KLF7: variants seen among roughly 807,000 people sequenced by gnomAD.
The protein encoded by KLF7 is Krueppel-like factor 7.
In KLF7, 2 loss-of-function variants were observed where a neutral mutation model predicts 27.3. The ratio of observed to expected loss-of-function variants is 0.07; its 90% CI spans 0.03 to 0.23. The LOEUF is 0.23. Ranked by LOEUF, KLF7 falls within the 10% of genes least tolerant of loss-of-function variation. KLF7 has a pLI of 1.00. For synonymous variants in KLF7, 165 were observed against 162.4 expected, an observed-to-expected ratio of 1.02 and a Z score of -0.12; for missense variants, 221 against 394.1, an observed-to-expected ratio of 0.56 and a Z score of 3.72.
chr2:207,082,204 C>T (rs2076288485), intron 3 of KLF7, among the ~76,000 whole-genome samples: 2 of 152,244 alleles, frequency 1.3e-5, no homozygotes, highest in Middle Eastern at 3.4e-3. Flanking sequence ...GAAGTTGTGG[C>T]CACAGTACTC....
rs780685325 is a variant in KLF7, at chr2:207,123,946, G to C, written c.561C>G (p.Ala187=). ...TCTTAACGGCCCCCGCAGCCGTCAC[G>C]GCTGCTGCAGCTGTTGCGACCCCTC... ...KVGGVATAAA[A]VTAAGAVKSG... The change falls in exon 2 of 4, where the codon GCC becomes GCG. Residue 187 remains alanine, a synonymous_variant. Coordinates refer to ENST00000309446, the MANE Select transcript of KLF7 (RefSeq NM_003709.4). 1.2e-6 allele frequency: 2 copies of C among 1,614,160 alleles called. No individual in the cohort carries two copies. Among genetic ancestry groups the C allele is most frequent in the East Asian group, 2.2e-5 (1 of 44,864 alleles).
At chr2:207,102,615 T>C (rs1407605558) in intron 2 of KLF7, among the ~76,000 whole-genome samples, 1 of 152,212 alleles carries the variant, frequency 6.6e-6, no homozygotes, top group Admixed American at 6.5e-5. Flanking sequence ...CAAACTACAA[T>C]GTACTAGGAT....
At chr2:207,145,184 G>GT (rs1394614375) in intron 1 of KLF7, among the ~76,000 whole-genome samples, 1 of 152,156 alleles carries the variant, frequency 6.6e-6, no homozygotes, top group South Asian at 2.1e-4. Flanking sequence ...GTGCAGTAAC[G>GT]TATCATTAAG....
intron 2 of KLF7, chr2:207,109,923 C>T (rs1179528984): frequency 1.3e-5 from 2 of 154,828 alleles, no homozygotes; most frequent in African/African-American, 4.8e-5. Context: ...TAAGCTAATA[C>T]ATGTAAAAGC....
chr2:207,119,189 C>T (rs899363560), intron 2 of KLF7, among the ~76,000 whole-genome samples: 2 of 152,216 alleles, frequency 1.3e-5, no homozygotes, highest in Admixed American at 6.5e-5. Context: ...TCACATCTCC[C>T]TTCACTGCAA....
chr2:207,166,929 C>G, upstream of KLF7: 1 of 898,780 alleles, frequency 1.1e-6, no homozygotes, highest in Non-Finnish European at 1.4e-6. Context: ...GTCCCCGCCC[C>G]GCCCCGCGGG....
intron 2 of KLF7, among the ~76,000 whole-genome samples, chr2:207,113,530 C>T (rs867151049): frequency 5.0e-4 from 73 of 146,498 alleles, no homozygotes; most frequent in Non-Finnish European, 5.0e-4. Context: ...GAGCAGCAGG[C>T]CCAGACTGGT....
chr2:207,159,742 T>C (rs2078487894), intron 1 of KLF7, among the ~76,000 whole-genome samples: 2 of 152,200 alleles, frequency 1.3e-5, no homozygotes, highest in Non-Finnish European at 2.9e-5. Context: ...GGGCTGATAC[T>C]AGACTCAGAT....
chr2:207,171,511 C>G (rs537237176), upstream of KLF7, among the ~76,000 whole-genome samples: 10 of 152,290 alleles, frequency 6.6e-5, no homozygotes, highest in African/African-American at 2.2e-4. Context: ...AGAAACCTGT[C>G]ATGAAAGGAA....
At chr2:207,090,363 G>A (rs2076483196) in intron 2 of KLF7, among the ~76,000 whole-genome samples, 1 of 152,220 alleles carries the variant, frequency 6.6e-6, no homozygotes, top group Non-Finnish European at 1.5e-5. Context: ...CATAACCTTT[G>A]GAGTCAGCCT....
upstream of KLF7, among the ~76,000 whole-genome samples, chr2:207,171,879 T>G (rs2078789238): frequency 6.6e-6 from 1 of 152,220 alleles, no homozygotes; most frequent in South Asian, 2.1e-4. Context: ...TCAGCAATAT[T>G]TTCATAGTAT....
At chr2:207,101,482 A>G (rs2076764171) in intron 2 of KLF7, among the ~76,000 whole-genome samples, 1 of 152,240 alleles carries the variant, frequency 6.6e-6, no homozygotes, top group Non-Finnish European at 1.5e-5. Context: ...GGCAAGAAGT[A>G]TTTCCTGGAG....
chr2:207,128,564 T>C (rs10932178), intron 1 of KLF7, among the ~76,000 whole-genome samples: 104,476 of 152,118 alleles, frequency 0.69, 35,969 homozygotes, highest in Admixed American at 0.73. Context: ...ATTATGAAGA[T>C]AAAATATAAT....
At chr2:207,127,054 A>C (rs2077498223) in intron 1 of KLF7, among the ~76,000 whole-genome samples, 1 of 152,272 alleles carries the variant, frequency 6.6e-6, no homozygotes, top group East Asian at 1.9e-4. Context: ...AGATATTCTA[A>C]ATACATTTAC....
At chr2:207,140,159 T>C (rs2077900857) in intron 1 of KLF7, among the ~76,000 whole-genome samples, 1 of 152,224 alleles carries the variant, frequency 6.6e-6, no homozygotes, top group African/African-American at 2.4e-5. Context: ...AGTGCTGGGA[T>C]TACAGGCATG....
intron 3 of KLF7, among the ~76,000 whole-genome samples, chr2:207,086,127 G>A (rs1436379176): frequency 6.6e-6 from 1 of 152,190 alleles, no homozygotes; most frequent in African/African-American, 2.4e-5. Context: ...ATAGGGCAGT[G>A]TAATTGTTCA....
chr2:207,107,781 A>G (rs2076917983), intron 2 of KLF7, among the ~76,000 whole-genome samples: 1 of 152,216 alleles, frequency 6.6e-6, no homozygotes, highest in Non-Finnish European at 1.5e-5. Context: ...CTGCAGCAGA[A>G]CACAGACACA....
chr2:207,091,321 C>A (rs143626232), intron 2 of KLF7, among the ~76,000 whole-genome samples: 1 of 152,332 alleles, frequency 6.6e-6, no homozygotes, highest in East Asian at 1.9e-4. Context: ...TACAAACCAA[C>A]TCTCCAACCC....
chr2:207,150,521 A>T (rs2078212999), intron 1 of KLF7, among the ~76,000 whole-genome samples: 1 of 152,226 alleles, frequency 6.6e-6, no homozygotes, highest in African/African-American at 2.4e-5. Flanking sequence ...AGAATAGAAA[A>T]CAATTACACC....
Sources: gnomAD v4.1 joint callset for allele counts (sites outside exome capture counted in the v4.1 genomes callset) on GRCh38, gnomAD v4.1.1 for gene constraint, MANE v1.5 for transcripts, NCBI Gene and HGNC (gene_info 2026-07-23, HGNC 2026-07-21) for gene names.